MIS18A: variants seen among roughly 807,000 people sequenced by gnomAD.
MIS18A encodes MIS18 kinetochore protein A.
MIS18A carries 14 observed loss-of-function variants against 25.0 expected under a neutral mutation model. That is an observed-to-expected ratio of 0.56 (90% CI 0.37 to 0.88). MIS18A has a LOEUF of 0.88. Among genes scored for constraint, MIS18A ranks in the 40% least tolerant of loss-of-function variants. The pLI is 0.00. For synonymous variants in MIS18A, 134 were observed against 118.6 expected (o/e 1.13, Z -0.84); for missense variants, 292 against 290.8 (o/e 1.00, Z -0.03).
At chr21:32,197,223 T>C in the MIS18A span, among the ~76,000 whole-genome samples, 4 of 152,246 alleles carry the variant, frequency 2.6e-5, no homozygotes, top group African/African-American at 9.6e-5. Context: ...AGCACCTTCT[T>C]CACAATGTCT....
At chr21:32,195,000 A>G in the MIS18A span, among the ~76,000 whole-genome samples, 5 of 152,214 alleles carry the variant, frequency 3.3e-5, no homozygotes, top group African/African-American at 1.2e-4. Context: ...TCCATAACAT[A>G]TTCACATAAC....
chr21:32,230,703 T>A, the MIS18A span, among the ~76,000 whole-genome samples: 1 of 152,164 alleles, frequency 6.6e-6, no homozygotes, highest in African/African-American at 2.4e-5. Flanking sequence ...AAGAATGAAG[T>A]TGGACTCCTA....
rs1017621464 is a variant in MIS18A, at chr21:32,269,630, A to G, written c.621+77T>C. On this transcript the variant is annotated intron_variant, in intron 4 of 4. Coordinates refer to ENST00000290130, the MANE Select transcript of MIS18A (RefSeq NM_018944.3). ...AATCAACACAGATGACGTTATGAGA[A>G]TTATCGTTTGTGGGGGAGCACTTCT... 36 of 828,418 alleles carry G rather than the reference A, an allele frequency of 4.3e-5. 1 individual carries two copies. Among genetic ancestry groups the G allele is most frequent in the Admixed American group, 2.7e-4 (12 of 44,510 alleles). The allele number at this position is 828,418 out of a possible 1,614,324, so 51.3% of individuals were successfully genotyped here. A position where few individuals can be genotyped will look rare whatever the true frequency, so the allele number is the denominator to read the frequency against.
the MIS18A span, among the ~76,000 whole-genome samples, chr21:32,250,517 C>T: frequency 3.9e-5 from 6 of 152,216 alleles, no homozygotes; most frequent in Non-Finnish European, 8.8e-5. Context: ...GGCTTGAATA[C>T]TGGCTGTCCC....
chr21:32,217,943 C>T, the MIS18A span, among the ~76,000 whole-genome samples: 2 of 152,026 alleles, frequency 1.3e-5, no homozygotes, highest in African/African-American at 4.8e-5. Flanking sequence ...CCTGTAATCC[C>T]AGCACTTTGG....
chr21:32,158,867 A>C, the MIS18A span, among the ~76,000 whole-genome samples: 1 of 152,168 alleles, frequency 6.6e-6, no homozygotes, highest in Admixed American at 6.5e-5. Flanking sequence ...TAGACCTTTA[A>C]CAATGGTTAG....
chr21:32,269,727 T>A lies in MIS18A; in HGVS notation c.601A>T (p.Ile201Leu). The change falls in exon 4 of 5, where the codon ATA becomes TTA. Residue 201 changes from isoleucine (I) to leucine (L), a missense_variant. By Grantham distance (5) the Ile-to-Leu change is conservative. Coordinates refer to ENST00000290130, the MANE Select transcript of MIS18A (RefSeq NM_018944.3). ...ELFNLESRVE[I>L]EKSLTQMEDV... Reference sequence around the variant, plus strand: ...ATTACCTGTGTTAGAGACTTTTCTATTTCAACTCTGCTTTCAAGATTAAAA... The same window carrying A: ...ATTACCTGTGTTAGAGACTTTTCTAATTCAACTCTGCTTTCAAGATTAAAA... The A allele has an allele frequency of 6.2e-7, 1 of 1,604,578 alleles. No individual in the cohort carries two copies. Among genetic ancestry groups the A allele is most frequent in the Non-Finnish European group, 8.5e-7 (1 of 1,171,288 alleles).
At chr21:32,214,625 A>C in the MIS18A span, among the ~76,000 whole-genome samples, 3 of 152,218 alleles carry the variant, frequency 2.0e-5, no homozygotes, top group Non-Finnish European at 4.4e-5. Flanking sequence ...AAATCTTGAA[A>C]AGAAGCACAC....
rs1025954091 is a variant in MIS18A at position 32,268,313 on chromosome 21, C to G, written c.*724G>C. 2.0e-5 allele frequency: 3 copies of G among 152,148 alleles called. No individual in the cohort carries two copies. In the South Asian group the frequency reaches 6.2e-4, roughly 31 times the overall value. The allele number at this position is 152,148 out of a possible 1,614,324, so 9.4% of individuals were successfully genotyped here. On this transcript the variant is annotated 3_prime_UTR_variant, in exon 5 of 5. Transcript: ENST00000290130. ...TAGAAAACAGAAAAAAACAAAAATTCCCCCAGAATCCCACCCTCAGAGATG... is the reference window on the plus strand; with the variant it reads ...TAGAAAACAGAAAAAAACAAAAATTGCCCCAGAATCCCACCCTCAGAGATG...
the MIS18A span, among the ~76,000 whole-genome samples, chr21:32,167,510 A>T: frequency 6.6e-6 from 1 of 152,254 alleles, no homozygotes; most frequent in Non-Finnish European, 1.5e-5. Context: ...TTAATAGTAG[A>T]TTAAACATAG....
chr21:32,174,978 A>G, the MIS18A span, among the ~76,000 whole-genome samples: 2 of 152,230 alleles, frequency 1.3e-5, no homozygotes, highest in African/African-American at 4.8e-5. Flanking sequence ...TTGCTTAACA[A>G]CAGGGATACA....
At chr21:32,167,800 T>C in the MIS18A span, among the ~76,000 whole-genome samples, 1 of 152,144 alleles carries the variant, frequency 6.6e-6, no homozygotes, top group Non-Finnish European at 1.5e-5. Flanking sequence ...TATTAAACTG[T>C]CAGAAGCCAA....
downstream of MIS18A, among the ~76,000 whole-genome samples, chr21:32,265,691 G>A (rs1018670647): frequency 1.3e-5 from 2 of 152,232 alleles, no homozygotes; most frequent in Non-Finnish European, 2.9e-5. Flanking sequence ...CAGTCCCATC[G>A]ACCACCCAAG....
chr21:32,226,472 A>T, the MIS18A span, among the ~76,000 whole-genome samples: 1 of 152,192 alleles, frequency 6.6e-6, no homozygotes, highest in Admixed American at 6.5e-5. Context: ...AATGGACTTT[A>T]TACAAAAATC....
At chr21:32,278,593 G>A (rs1023940247) in intron 1 of MIS18A, 88 bp downstream of exon 1, 12 of 1,336,378 alleles carry the variant, frequency 9.0e-6, no homozygotes, top group Non-Finnish European at 1.2e-5. Context: ...GCCCCAAGGA[G>A]CCCCCGCCTC....
At chr21:32,177,818 GGAAA>G in the MIS18A span, among the ~76,000 whole-genome samples, 1 of 151,992 alleles carries the variant, frequency 6.6e-6, no homozygotes, top group African/African-American at 2.4e-5. Flanking sequence ...GTTCATGAAT[GGAAA>G]GAGTCAATAT....
chr21:32,252,980 C>T, the MIS18A span, among the ~76,000 whole-genome samples: 6 of 152,170 alleles, frequency 3.9e-5, no homozygotes, highest in Non-Finnish European at 4.4e-5. Flanking sequence ...CCAGATCCCT[C>T]CTAGGCTTAG....
chr21:32,236,506 A>G, the MIS18A span, among the ~76,000 whole-genome samples: 6 of 152,158 alleles, frequency 3.9e-5, no homozygotes, highest in African/African-American at 1.4e-4. Flanking sequence ...TTTCTGTCTT[A>G]TGTAGAAGTC....
At chr21:32,156,624 T>C in the MIS18A span, 1 of 152,240 alleles carries the variant, frequency 6.6e-6, no homozygotes, top group South Asian at 2.1e-4. Flanking sequence ...CATTTTATAA[T>C]TCTATTAACC....
Sources: gnomAD v4.1 joint callset for allele counts (sites outside exome capture counted in the v4.1 genomes callset) on GRCh38, gnomAD v4.1.1 for gene constraint, MANE v1.5 for transcripts, NCBI Gene and HGNC (gene_info 2026-07-23, HGNC 2026-07-21) for gene names.